TPD52L2: variants seen among roughly 807,000 people sequenced by gnomAD.
TPD52L2 encodes the protein TPD52 like 2.
TPD52L2 carries 19 observed loss-of-function variants against 24.7 expected under a neutral mutation model. That is an observed-to-expected ratio of 0.77 (90% confidence interval 0.54 to 1.13). The LOEUF (loss-of-function observed/expected upper bound fraction) is 1.13, where lower values mean the gene tolerates loss of function less well. Among genes scored for constraint, TPD52L2 ranks in the 50% most tolerant of loss-of-function variants. The probability of loss-of-function intolerance (pLI) is 0.00; values close to 1 mark genes in which losing one functional copy is unlikely to be tolerated. For missense variants in TPD52L2, 236 were observed against 250.4 expected (o/e 0.94, Z 0.39); for synonymous variants, 104 against 100.2 (o/e 1.04, Z -0.23).
intron 5 of TPD52L2, chr20:63,887,681 A>G: frequency 2.8e-6 from 4 of 1,430,430 alleles, no homozygotes; most frequent in Non-Finnish European, 3.9e-6. Flanking sequence ...CGCCGGTTAC[A>G]CCTTGCCCTT....
intron 4 of TPD52L2, among the ~76,000 whole-genome samples, chr20:63,878,831 C>G (rs376747152): frequency 6.6e-6 from 1 of 152,198 alleles, no homozygotes; most frequent in Non-Finnish European, 1.5e-5. Flanking sequence ...TGGGGTTGCC[C>G]GGCCCGGTGC....
chr20:63,880,250 C>G (rs2052840925), intron 4 of TPD52L2, among the ~76,000 whole-genome samples: 1 of 63,058 alleles, frequency 1.6e-5, no homozygotes, highest in African/African-American at 7.3e-5. Flanking sequence ...CTTCCCCATC[C>G]CCACTCTTAG....
At chr20:63,874,921 C>G (rs117813095) in intron 3 of TPD52L2, among the ~76,000 whole-genome samples, 6,296 of 152,100 alleles carry the variant, frequency 0.041, 304 homozygotes, top group East Asian at 0.2. Flanking sequence ...GGGTGTATCA[C>G]TTGAGGTTAG....
intron 5 of TPD52L2, chr20:63,887,433 G>A: frequency 2.0e-6 from 2 of 1,006,444 alleles, no homozygotes; most frequent in Non-Finnish European, 3.1e-6. Context: ...GTGTGGAGGG[G>A]CAGGCAGCTC....
chr20:63,885,647 C>T (rs1039960475), intron 5 of TPD52L2, among the ~76,000 whole-genome samples: 7 of 152,350 alleles, frequency 4.6e-5, no homozygotes, highest in East Asian at 3.9e-4. Context: ...CACACCTTTG[C>T]GCTGCTGGAT....
At position 63,875,848 on chromosome 20, in the gene TPD52L2, G is replaced by GGAAT; in HGVS notation, c.350_353dup (p.Lys119Ter). 6.2e-7 allele frequency: 1 copy of GGAAT among 1,614,188 alleles called. No individual in the cohort carries two copies. The highest frequency in any genetic ancestry group is 8.5e-7 in the Non-Finnish European group (1 of 1,180,028). On this transcript the variant is annotated frameshift_variant, in exon 4 of 7. Transcript: ENST00000346249. LOFTEE classifies it high-confidence loss of function. ...AAAACTTCTGAGAAACTTGGAGAGT[G>GGAAT]GAATGAGAAAGTGACCCAGTCAGAC...
chr20:63,887,940 G>A (rs1196906462), intron 5 of TPD52L2: 2 of 421,890 alleles, frequency 4.7e-6, no homozygotes, highest in Non-Finnish European at 8.6e-6. Context: ...TGCCCTGGTG[G>A]GCTGTCACTC....
intron 5 of TPD52L2, chr20:63,888,696 T>C (rs1023480488): frequency 6.4e-6 from 1 of 156,134 alleles, no homozygotes; most frequent in African/African-American, 2.6e-5. Context: ...CTGCACAGAC[T>C]TTTCATAACC....
chr20:63,888,891 A>T (rs540178088), intron 5 of TPD52L2: 29 of 440,856 alleles, frequency 6.6e-5, no homozygotes, highest in African/African-American at 5.7e-4. Context: ...AGAGCCCGGG[A>T]TGTCCCTGTA....
chr20:63,875,911 CCT>C, intron 4 of TPD52L2, 36 bp downstream of exon 4: 1 of 1,605,526 alleles, frequency 6.2e-7, no homozygotes, highest in Non-Finnish European at 8.5e-7. Flanking sequence ...CCTCCTTCCT[CCT>C]CTCCGCCTCC....
chr20:63,885,303 GGGTCA>G (rs762976798), intron 5 of TPD52L2, among the ~76,000 whole-genome samples: 5 of 152,228 alleles, frequency 3.3e-5, no homozygotes, highest in Non-Finnish European at 5.9e-5. Flanking sequence ...GTTTACAGCA[GGGTCA>G]GGTCACCGTC....
intron 1 of TPD52L2, among the ~76,000 whole-genome samples, chr20:63,868,601 G>A (rs573628067): frequency 7.2e-5 from 11 of 152,358 alleles, no homozygotes; most frequent in African/African-American, 7.2e-5. Flanking sequence ...TGAGAGGAAA[G>A]TGATGCTTAT....
In TPD52L2 at chr20:63,890,398, AT is replaced by A. The variant is rs985982711; in HGVS notation, c.*459del. The stretch of plus-strand genomic sequence containing the variant: ...CCCAGCAAGTCCTACCTGTTACGCA[AT>A]TTTTTATCTCAAAATGCCGAACGAG... On this transcript the variant is annotated 3_prime_UTR_variant, in exon 7 of 7. Transcript: ENST00000346249. The A allele has an allele frequency of 6.1e-5, 11 of 180,150 alleles. No homozygotes were observed. Among genetic ancestry groups the A allele is most frequent in the Admixed American group, 1.9e-4 (3 of 16,036 alleles). 11.2% of individuals were successfully genotyped at this position (180,150 alleles called of 1,614,324 possible).
chr20:63,869,133 C>T (rs142838959), intron 1 of TPD52L2, among the ~76,000 whole-genome samples, 163 bp from the exon 2 acceptor site: 25 of 152,236 alleles, frequency 1.6e-4, no homozygotes, highest in African/African-American at 5.8e-4. Context: ...TGGCTGCCCT[C>T]GTCTACTGCC....
intron 3 of TPD52L2, 120 bp downstream of exon 3, chr20:63,873,936 C>CCAGATCTCTGGAT: frequency 8.3e-7 from 1 of 1,208,638 alleles, no homozygotes; most frequent in Non-Finnish European, 1.1e-6. Flanking sequence ...AGTTGAGTGG[C>CCAGATCTCTGGAT]CTGTTTGGAA....
At chr20:63,883,258 C>T (rs555539330) in intron 5 of TPD52L2, among the ~76,000 whole-genome samples, 3 of 152,314 alleles carry the variant, frequency 2.0e-5, no homozygotes, top group Admixed American at 2.0e-4. Flanking sequence ...AGTCAGACGC[C>T]AGGAGGCCCT....
intron 2 of TPD52L2, among the ~76,000 whole-genome samples, chr20:63,872,202 C>T (rs895905189): frequency 2.1e-4 from 32 of 152,196 alleles, no homozygotes; most frequent in Non-Finnish European, 3.4e-4. Context: ...ACCTCAGGAA[C>T]ACAAGTGTTT....
intron 4 of TPD52L2, among the ~76,000 whole-genome samples, chr20:63,882,144 G>A (rs936825020): frequency 6.6e-5 from 10 of 152,260 alleles, no homozygotes; most frequent in South Asian, 2.1e-4. Flanking sequence ...GGCACCTTGC[G>A]GGCTGCATGG....
At chr20:63,870,790 T>C (rs551167464) in intron 2 of TPD52L2, among the ~76,000 whole-genome samples, 3 of 151,436 alleles carry the variant, frequency 2.0e-5, no homozygotes, top group Admixed American at 2.0e-4. Flanking sequence ...TGATCTCGGC[T>C]CGCTGCAATC....
Sources: gnomAD v4.1 joint callset for allele counts (sites outside exome capture counted in the v4.1 genomes callset) on GRCh38, gnomAD v4.1.1 for gene constraint, MANE v1.5 for transcripts, NCBI Gene and HGNC (gene_info 2026-07-23, HGNC 2026-07-21) for gene names.